Variants in EIF2B3 observed in about 807,000 individuals in gnomAD.
EIF2B3 encodes the protein eukaryotic translation initiation factor 2B subunit gamma.
EIF2B3 carries 20 observed loss-of-function variants against 54.1 expected under a neutral mutation model. That is an observed-to-expected ratio of 0.37 (90% confidence interval 0.26 to 0.54). EIF2B3 has a LOEUF of 0.54. Ranked by LOEUF, EIF2B3 falls within the 20% of genes least tolerant of loss-of-function variation. EIF2B3 has a pLI of 0.86. For missense variants in EIF2B3, 448 were observed against 547.8 expected (o/e 0.82, Z 1.82); for synonymous variants, 153 against 188.1 (o/e 0.81, Z 1.52).
intron 5 of EIF2B3, among the ~76,000 whole-genome samples, chr1:44,900,468 A>AG (rs1643262303): frequency 6.7e-6 from 1 of 149,730 alleles, no homozygotes; most frequent in Non-Finnish European, 1.5e-5. Context: ...AAAAAAAAAA[A>AG]GGGAACAACA....
At chr1:44,917,097 C>CT (rs1643638787) in intron 5 of EIF2B3, among the ~76,000 whole-genome samples, 1 of 152,190 alleles carries the variant, frequency 6.6e-6, no homozygotes, top group South Asian at 2.1e-4. Flanking sequence ...AAATGATTTG[C>CT]TTTTTGCCTC....
chr1:44,853,162 A>T (rs1181405423), intron 11 of EIF2B3, among the ~76,000 whole-genome samples: 1 of 152,150 alleles, frequency 6.6e-6, no homozygotes, highest in Non-Finnish European at 1.5e-5. Flanking sequence ...AGCTATAGAA[A>T]ACTTTCAAGG....
chr1:44,926,448 G>A (rs890607612), intron 5 of EIF2B3, among the ~76,000 whole-genome samples, 180 bp downstream of exon 5: 1 of 152,084 alleles, frequency 6.6e-6, no homozygotes, highest in African/African-American at 2.4e-5. Context: ...AAAAGACAGG[G>A]AAACAGGCTT....
chr1:44,864,001 G>C (rs1186537220), intron 10 of EIF2B3, among the ~76,000 whole-genome samples: 1 of 152,090 alleles, frequency 6.6e-6, no homozygotes, highest in African/African-American at 2.4e-5. Flanking sequence ...TTTTAGTTCT[G>C]TATGCCCCCC....
chr1:44,974,151 T>C (rs1569876827), intron 3 of EIF2B3, among the ~76,000 whole-genome samples: 1 of 150,024 alleles, frequency 6.7e-6, no homozygotes, highest in Non-Finnish European at 1.5e-5. Flanking sequence ...GTACTGGAGG[T>C]CCTGGCCAGG....
At chr1:44,888,743 C>G in intron 6 of EIF2B3, among the ~76,000 whole-genome samples, 1 of 152,158 alleles carries the variant, frequency 6.6e-6, no homozygotes, top group East Asian at 1.9e-4. Context: ...ACTGCAGGTC[C>G]TTGAAACAAA....
chr1:44,865,216 T>TAAAAAAA (rs57763807), intron 10 of EIF2B3, among the ~76,000 whole-genome samples: 30 of 140,082 alleles, frequency 2.1e-4, no homozygotes, highest in Middle Eastern at 3.6e-3. Flanking sequence ...GACTCCATCT[T>TAAAAAAA]AAAAAAAAAA....
At chr1:44,924,392 T>G (rs1259602386) in intron 5 of EIF2B3, among the ~76,000 whole-genome samples, 7 of 152,080 alleles carry the variant, frequency 4.6e-5, no homozygotes, top group Non-Finnish European at 8.8e-5. Flanking sequence ...TTAATCCTTT[T>G]TTTGTTTGTT....
chr1:44,966,722 C>G (rs753804131), intron 3 of EIF2B3, among the ~76,000 whole-genome samples: 1 of 152,100 alleles, frequency 6.6e-6, no homozygotes, highest in Non-Finnish European at 1.5e-5. Flanking sequence ...AAATCCTATA[C>G]AAAGTTATTA....
At chr1:44,901,991 T>A (rs1643317010) in intron 5 of EIF2B3, among the ~76,000 whole-genome samples, 1 of 152,212 alleles carries the variant, frequency 6.6e-6, no homozygotes, top group African/African-American at 2.4e-5. Context: ...TGGAGTGAGG[T>A]AAGGTTCTAA....
At chr1:44,857,467 GTT>G (rs1654467384) in intron 11 of EIF2B3, among the ~76,000 whole-genome samples, 1 of 151,666 alleles carries the variant, frequency 6.6e-6, no homozygotes, top group African/African-American at 2.4e-5. Context: ...GGAGGCGGAG[GTT>G]TCAGTGAGCT....
At chr1:44,907,820 G>A (rs1643443340) in intron 5 of EIF2B3, among the ~76,000 whole-genome samples, 1 of 147,624 alleles carries the variant, frequency 6.8e-6, no homozygotes, top group Non-Finnish European at 1.5e-5. Context: ...AACCCAGGAG[G>A]TGGAGGTTGC....
At chr1:44,983,799 C>T (rs656780) in intron 1 of EIF2B3, among the ~76,000 whole-genome samples, 47,038 of 151,846 alleles carry the variant, frequency 0.31, 8,138 homozygotes, top group African/African-American at 0.45. Flanking sequence ...CTCTGCCTCC[C>T]AGGTTCAAGC....
chr1:44,984,778 C>T (rs1644551793), intron 1 of EIF2B3, among the ~76,000 whole-genome samples: 1 of 146,396 alleles, frequency 6.8e-6, no homozygotes, highest in Non-Finnish European at 1.5e-5. Flanking sequence ...CTACGTAAAG[C>T]AGACAAAATA....
chr1:44,951,565 T>C (rs971037139), intron 3 of EIF2B3, among the ~76,000 whole-genome samples: 4 of 152,190 alleles, frequency 2.6e-5, no homozygotes, highest in East Asian at 1.9e-4. Flanking sequence ...ATGCTAGTTA[T>C]ATCCTAACTC....
At chr1:44,985,971 G>A (rs1243488311) in intron 1 of EIF2B3, among the ~76,000 whole-genome samples, 1 of 152,122 alleles carries the variant, frequency 6.6e-6, no homozygotes. Context: ...ATATTTCACT[G>A]CCCTGCATCC....
intron 5 of EIF2B3, among the ~76,000 whole-genome samples, chr1:44,903,303 AAC>A (rs1643350590): frequency 1.3e-5 from 2 of 152,214 alleles, no homozygotes; most frequent in Non-Finnish European, 2.9e-5. Context: ...GTCTTTAGTT[AAC>A]AACAAGATCT....
chr1:44,904,677 C>T (rs1302167347), intron 5 of EIF2B3, among the ~76,000 whole-genome samples: 2 of 152,154 alleles, frequency 1.3e-5, no homozygotes, highest in East Asian at 1.9e-4. Context: ...CCGTGCCCGG[C>T]TAATTTTTTG....
chr1:44,900,172 A>G (rs1453428520), intron 5 of EIF2B3, among the ~76,000 whole-genome samples: 1 of 152,020 alleles, frequency 6.6e-6, no homozygotes, highest in Non-Finnish European at 1.5e-5. Context: ...AAAGTCTGGG[A>G]ACAGTGGCTC....
Sources: gnomAD v4.1 joint callset for allele counts (sites outside exome capture counted in the v4.1 genomes callset) on GRCh38, gnomAD v4.1.1 for gene constraint, MANE v1.5 for transcripts, NCBI Gene and HGNC (gene_info 2026-07-23, HGNC 2026-07-21) for gene names.